SHISA6: variants seen among roughly 807,000 people sequenced by gnomAD.
SHISA6 encodes shisa family member 6.
In SHISA6, 22 loss-of-function variants were observed where a neutral mutation model predicts 47.9. That is an observed-to-expected ratio of 0.46 (90% confidence interval 0.33 to 0.66). The LOEUF is 0.66. Among genes scored for constraint, SHISA6 ranks in the 30% least tolerant of loss-of-function variants. The pLI is 0.02. For missense variants in SHISA6, 680 were observed against 764.6 expected (o/e 0.89, Z 1.30); for synonymous variants, 388 against 337.8 (o/e 1.15, Z -1.63).
chr17:11,539,746 T>C (rs1186733596), intron 3 of SHISA6, among the ~76,000 whole-genome samples: 1 of 152,214 alleles, frequency 6.6e-6, no homozygotes, highest in Non-Finnish European at 1.5e-5. Context: ...TGTCACTTTG[T>C]GGTCTTGTCA....
chr17:11,378,282 A>G (rs942745702), intron 2 of SHISA6, among the ~76,000 whole-genome samples: 6 of 152,200 alleles, frequency 3.9e-5, no homozygotes, highest in African/African-American at 1.2e-4. Flanking sequence ...TGTTCCTACT[A>G]TCCAAAGACA....
At chr17:11,453,521 C>T (rs1915456483) in intron 3 of SHISA6, among the ~76,000 whole-genome samples, 2 of 152,136 alleles carry the variant, frequency 1.3e-5, no homozygotes, top group Non-Finnish European at 2.9e-5. Context: ...TTCTTCATTT[C>T]CCCCACTATT....
chr17:11,556,820 A>G (rs574391987), intron 5 of SHISA6, among the ~76,000 whole-genome samples: 4 of 152,234 alleles, frequency 2.6e-5, no homozygotes, highest in African/African-American at 9.6e-5. Flanking sequence ...TTTTGCAGAG[A>G]TCTAGAAGGC....
At chr17:11,456,759 C>A (rs1915549857) in intron 3 of SHISA6, among the ~76,000 whole-genome samples, 1 of 152,152 alleles carries the variant, frequency 6.6e-6, no homozygotes, top group South Asian at 2.1e-4. Flanking sequence ...CTCAAATATT[C>A]TCTTTAGGGC....
intron 2 of SHISA6, among the ~76,000 whole-genome samples, chr17:11,371,086 A>G (rs1373259912): frequency 1.3e-5 from 2 of 152,230 alleles, no homozygotes; most frequent in African/African-American, 4.8e-5. Context: ...GTCACATGAA[A>G]TAACACATCC....
At chr17:11,270,670 T>C (rs1044507379) in intron 2 of SHISA6, among the ~76,000 whole-genome samples, 2 of 152,216 alleles carry the variant, frequency 1.3e-5, no homozygotes, top group Admixed American at 1.3e-4. Flanking sequence ...TTTCATAAAA[T>C]TTGGACATAT....
At chr17:11,259,553 C>A (rs2142143449) in intron 1 of SHISA6, among the ~76,000 whole-genome samples, 1 of 152,310 alleles carries the variant, frequency 6.6e-6, no homozygotes, top group Non-Finnish European at 1.5e-5. Context: ...TAGTTCATAT[C>A]CTGAATGCAG....
At chr17:11,353,966 G>A (rs569612513) in intron 2 of SHISA6, among the ~76,000 whole-genome samples, 4 of 152,198 alleles carry the variant, frequency 2.6e-5, no homozygotes, top group Non-Finnish European at 4.4e-5. Flanking sequence ...CTACTCCAGG[G>A]GTTTCCCGAC....
chr17:11,328,775 A>C (rs916629876), intron 2 of SHISA6, among the ~76,000 whole-genome samples: 7 of 152,188 alleles, frequency 4.6e-5, no homozygotes, highest in African/African-American at 1.2e-4. Flanking sequence ...GATGGAGAAG[A>C]AACAAAGAAA....
At chr17:11,453,516 C>A (rs1700475858) in intron 3 of SHISA6, among the ~76,000 whole-genome samples, 1 of 152,206 alleles carries the variant, frequency 6.6e-6, no homozygotes, top group African/African-American at 2.4e-5. Flanking sequence ...ATAGCTTCTT[C>A]ATTTCCCCCA....
intron 2 of SHISA6, among the ~76,000 whole-genome samples, chr17:11,350,401 C>T (rs112470713): frequency 0.081 from 12,201 of 149,982 alleles, 807 homozygotes; most frequent in East Asian, 0.23. Flanking sequence ...AGGATGGTCT[C>T]GATCTCCTGA....
chr17:11,268,828 G>A (rs1385669848), intron 2 of SHISA6, among the ~76,000 whole-genome samples: 1 of 152,198 alleles, frequency 6.6e-6, no homozygotes, highest in Non-Finnish European at 1.5e-5. Context: ...AGATGACATA[G>A]TCCTTTACTT....
intron 2 of SHISA6, among the ~76,000 whole-genome samples, chr17:11,323,282 A>G (rs1027857103): frequency 2.6e-5 from 4 of 152,196 alleles, no homozygotes; most frequent in African/African-American, 4.8e-5. Context: ...AACTTCCTTT[A>G]TGATACAAAT....
chr17:11,486,945 C>T (rs561198703), intron 3 of SHISA6, among the ~76,000 whole-genome samples: 6 of 152,360 alleles, frequency 3.9e-5, no homozygotes, highest in South Asian at 4.1e-4. Context: ...GGGCCAAATC[C>T]GGTGCCACCT....
intron 2 of SHISA6, among the ~76,000 whole-genome samples, chr17:11,365,337 G>A (rs1912413307): frequency 6.6e-6 from 1 of 152,034 alleles, no homozygotes. Context: ...GAGTGCAGTG[G>A]CACAATCTTG....
intron 2 of SHISA6, among the ~76,000 whole-genome samples, chr17:11,305,832 C>T (rs999657226): frequency 6.6e-6 from 1 of 152,180 alleles, no homozygotes; most frequent in African/African-American, 2.4e-5. Context: ...AGGCCAACAG[C>T]TAGGGAGGCT....
intron 3 of SHISA6, among the ~76,000 whole-genome samples, chr17:11,507,503 T>C (rs2071509261): frequency 6.6e-6 from 1 of 152,250 alleles, no homozygotes; most frequent in African/African-American, 2.4e-5. Context: ...AGATGTCTTA[T>C]GTTTCCCACC....
intron 3 of SHISA6, among the ~76,000 whole-genome samples, chr17:11,502,408 CAAA>C (rs33980148): frequency 2.9e-5 from 1 of 34,058 alleles, no homozygotes; most frequent in Non-Finnish European, 4.9e-5. Flanking sequence ...GACTCCGTCT[CAAA>C]AAAAAAAAAA....
At chr17:11,382,338 C>G (rs1159186665) in intron 3 of SHISA6, among the ~76,000 whole-genome samples, 1 of 152,170 alleles carries the variant, frequency 6.6e-6, no homozygotes, top group Non-Finnish European at 1.5e-5. Flanking sequence ...CTTCCCCTCC[C>G]AAAGTGCTGA....
Sources: gnomAD v4.1 joint callset for allele counts (sites outside exome capture counted in the v4.1 genomes callset) on GRCh38, gnomAD v4.1.1 for gene constraint, MANE v1.5 for transcripts, NCBI Gene and HGNC (gene_info 2026-07-23, HGNC 2026-07-21) for gene names.